Variants in CBL observed in about 807,000 individuals in gnomAD.
CBL encodes Cbl proto-oncogene.
Under a neutral mutation model 96.9 loss-of-function variants are expected in CBL, and 45 were observed. The ratio of observed to expected loss-of-function variants is 0.46; its 90% CI spans 0.37 to 0.60. The LOEUF is 0.60. CBL is among the 20% of genes least tolerant of loss of function. The pLI is 0.00. For synonymous variants in CBL, 420 were observed against 426.8 expected, an observed-to-expected ratio of 0.98 and a Z score of 0.20; for missense variants, 1,024 against 1,143.5, an observed-to-expected ratio of 0.90 and a Z score of 1.51.
intron 9 of CBL, among the ~76,000 whole-genome samples, chr11:119,281,699 A>G (rs957681062): frequency 2.0e-5 from 3 of 151,884 alleles, no homozygotes; most frequent in Admixed American, 6.6e-5. Context: ...GGGTTTCACC[A>G]TGTTAGCCAG....
At chr11:119,247,430 G>C (rs1949640447) in intron 2 of CBL, among the ~76,000 whole-genome samples, 1 of 152,230 alleles carries the variant, frequency 6.6e-6, no homozygotes, top group South Asian at 2.1e-4. Flanking sequence ...ACATAATTCT[G>C]TATGTAGAAA....
At chr11:119,290,480 T>C (rs2135314973) in intron 12 of CBL, among the ~76,000 whole-genome samples, 1 of 150,584 alleles carries the variant, frequency 6.6e-6, no homozygotes, top group South Asian at 2.1e-4. Flanking sequence ...TGAAACCCCA[T>C]CTCTACTAAA....
chr11:119,255,321 C>T (rs1253731183), intron 2 of CBL, among the ~76,000 whole-genome samples: 1 of 152,046 alleles, frequency 6.6e-6, no homozygotes, highest in Non-Finnish European at 1.5e-5. Flanking sequence ...CCAGAAAGAA[C>T]AAAAAGATCA....
chr11:119,211,742 G>A (rs1030112460), intron 1 of CBL, among the ~76,000 whole-genome samples: 11 of 151,858 alleles, frequency 7.2e-5, no homozygotes, highest in Non-Finnish European at 1.3e-4. Context: ...GACCTCAAGT[G>A]ATCTGCCTGC....
chr11:119,280,664 C>G (rs1344195441), intron 9 of CBL, among the ~76,000 whole-genome samples: 1 of 152,096 alleles, frequency 6.6e-6, no homozygotes, highest in African/African-American at 2.4e-5. Context: ...GCCTCTGCCC[C>G]CTCCAGCACC....
At chr11:119,234,218 CT>C in intron 2 of CBL, among the ~76,000 whole-genome samples, 1 of 152,226 alleles carries the variant, frequency 6.6e-6, no homozygotes, top group South Asian at 2.1e-4. Context: ...TGTTGGCAAG[CT>C]GGTGTTGAAC....
At chr11:119,286,069 CG>C (rs1949982808) in intron 11 of CBL, among the ~76,000 whole-genome samples, 1 of 152,026 alleles carries the variant, frequency 6.6e-6, no homozygotes, top group Non-Finnish European at 1.5e-5. Context: ...GAGGCCGAGG[CG>C]GGTGGATCAC....
At chr11:119,293,307 C>T (rs1307862546) in intron 12 of CBL, among the ~76,000 whole-genome samples, 6 of 152,068 alleles carry the variant, frequency 3.9e-5, no homozygotes, top group Non-Finnish European at 7.4e-5. Context: ...AGGGTTTCAC[C>T]GTGTTGGCCA....
At position 119,307,141 on chromosome 11, in the gene CBL, C is replaced by T. The variant is rs1165230644; in HGVS notation, c.*7360C>T. The stretch of plus-strand genomic sequence containing the variant: ...TGCAGGTGCAGTGTGTCTGGAGTCC[C>T]TTTCCCCTGCTGTGAGACTTCAGTG... On this transcript the variant is annotated 3_prime_UTR_variant, in exon 16 of 16. Transcript: ENST00000264033. 4.3e-6 allele frequency: 1 copy of T among 231,876 alleles called. No individual in the cohort carries two copies. Among genetic ancestry groups the T allele is most frequent in the African/African-American group, 2.2e-5 (1 of 45,218 alleles). 14.4% of individuals were successfully genotyped at this position (231,876 alleles called of 1,614,324 possible).
Position 119,300,118 on chromosome 11 carries a change from A to C in CBL, c.*337A>C, listed in dbSNP as rs570986029. ...GCTGGAAATCCTAATTGAGGACTTA[A>C]GACTTCCTGGGTTAAGGATGTGGCC... is the stretch of plus-strand genomic sequence containing the variant. On this transcript the variant is annotated 3_prime_UTR_variant, in exon 16 of 16. Transcript: ENST00000264033. 7.4e-4 allele frequency: 408 copies of C among 549,326 alleles called. 2 individuals are homozygous for C. The highest frequency in any genetic ancestry group is 2.7e-3 in the South Asian group (118 of 43,796). 34.0% of individuals were successfully genotyped at this position (549,326 alleles called of 1,614,324 possible).
chr11:119,227,613 C>A (rs1405448154), intron 1 of CBL, among the ~76,000 whole-genome samples: 2 of 150,868 alleles, frequency 1.3e-5, no homozygotes, highest in East Asian at 1.9e-4. Context: ...TGCAATGGTG[C>A]GATCTTGGCT....
At chr11:119,223,461 G>C (rs1055159184) in intron 1 of CBL, among the ~76,000 whole-genome samples, 1 of 150,452 alleles carries the variant, frequency 6.6e-6, no homozygotes. Flanking sequence ...ACAGAGTCTC[G>C]CTCTGTCACC....
At chr11:119,265,320 A>C (rs979636175) in intron 2 of CBL, among the ~76,000 whole-genome samples, 7 of 152,208 alleles carry the variant, frequency 4.6e-5, no homozygotes, top group Admixed American at 4.6e-4. Context: ...TTAATTCTTC[A>C]GAACAATAAT....
intron 1 of CBL, among the ~76,000 whole-genome samples, chr11:119,228,683 T>C (rs1271339841): frequency 1.3e-5 from 2 of 151,040 alleles, no homozygotes; most frequent in Admixed American, 6.6e-5. Flanking sequence ...TTCACAGGCA[T>C]GATCATAGTA....
At chr11:119,280,063 C>A (rs1207349345) in intron 9 of CBL, among the ~76,000 whole-genome samples, 1 of 152,140 alleles carries the variant, frequency 6.6e-6, no homozygotes, top group East Asian at 1.9e-4. Flanking sequence ...TTTCCCTAGC[C>A]ATGTAGAAAT....
In CBL at chr11:119,299,635, A is replaced by C. The variant is rs763510016; in HGVS notation, c.2575A>C (p.Ser859Arg). Residue 859 changes from serine to arginine, a missense_variant, in exon 16 of 16, where the codon AGT (serine) becomes CGT (arginine). By Grantham distance (110) the Ser-to-Arg change is moderately radical. Coordinates refer to ENST00000264033, the MANE Select transcript of CBL (RefSeq NM_005188.4). ...TGCCACCGCCTCACCTCAGCTCTCCAGTGAGATCGAGAACCTCATGAGTCA... is the reference window on the plus strand; with the variant it reads ...TGCCACCGCCTCACCTCAGCTCTCCCGTGAGATCGAGAACCTCATGAGTCA... Reference protein sequence around the residue: ...SAATASPQLSSEIENLMSQGY... With the variant: ...SAATASPQLSREIENLMSQGY... The C allele has an allele frequency of 1.9e-6, 3 of 1,614,186 alleles. No homozygotes were observed. The South Asian group carries it at 3.3e-5, about 18-fold the overall frequency.
chr11:119,272,161 G>T (rs1041890130), intron 3 of CBL, among the ~76,000 whole-genome samples: 23 of 152,100 alleles, frequency 1.5e-4, no homozygotes, highest in Admixed American at 9.2e-4. Flanking sequence ...TTGCTCTGTT[G>T]CCCAGGCTGG....
intron 1 of CBL, among the ~76,000 whole-genome samples, chr11:119,225,596 G>C (rs904220398): frequency 9.2e-5 from 14 of 151,940 alleles, no homozygotes; most frequent in African/African-American, 3.4e-4. Context: ...ATAGGGTTTT[G>C]CCATGTTGTC....
intron 11 of CBL, 29 bp from the exon 12 acceptor site, chr11:119,287,823 G>A (rs1379426296): frequency 6.8e-7 from 1 of 1,460,962 alleles, no homozygotes; most frequent in South Asian, 1.1e-5. Flanking sequence ...TAAGAAAGTT[G>A]TTTTTCAACA....
Sources: gnomAD v4.1 joint callset for allele counts (sites outside exome capture counted in the v4.1 genomes callset) on GRCh38, gnomAD v4.1.1 for gene constraint, MANE v1.5 for transcripts, NCBI Gene and HGNC (gene_info 2026-07-23, HGNC 2026-07-21) for gene names.